Variants in CDC42BPA observed in about 807,000 individuals in gnomAD.
The protein encoded by CDC42BPA is serine/threonine-protein kinase MRCK alpha.
Under a neutral mutation model 223.5 loss-of-function variants are expected in CDC42BPA, and 80 were observed. The observed-to-expected ratio is 0.36, with a 90% CI of 0.30 to 0.43. The LOEUF is 0.43. CDC42BPA is among the 20% of genes least tolerant of loss of function. The pLI is 1.00. For synonymous variants in CDC42BPA, 694 were observed against 718.6 expected, an observed-to-expected ratio of 0.97 and a Z score of 0.55; for missense variants, 1,743 against 2,099.9, an observed-to-expected ratio of 0.83 and a Z score of 3.32.
Position 227,100,975 on chromosome 1 carries a change from A to C in CDC42BPA, c.2249+17T>G. On this transcript the variant is annotated intron_variant, in intron 15 of 36. Coordinates refer to ENST00000366766, the MANE Select transcript of CDC42BPA (RefSeq NM_001394014.1). ...CTCAGTAAGTATTTACTGTATAGTA[A>C]ATAATGTGATTCTTACCTTTCTCTT... The C allele has an allele frequency of 7.1e-7, 1 of 1,399,820 alleles. No individual in the cohort carries two copies. The highest frequency in any genetic ancestry group is 2.3e-5 in the East Asian group (1 of 43,588). The allele number at this position is 1,399,820 out of a possible 1,614,324, so 86.7% of individuals were successfully genotyped here.
At chr1:227,278,963 A>T (rs532385279) in intron 1 of CDC42BPA, among the ~76,000 whole-genome samples, 4 of 151,932 alleles carry the variant, frequency 2.6e-5, no homozygotes, top group African/African-American at 9.7e-5. Flanking sequence ...CTTAAAACCA[A>T]TAACATCACC....
intron 26 of CDC42BPA, among the ~76,000 whole-genome samples, chr1:227,034,275 G>A (rs1411688458): frequency 2.0e-5 from 3 of 152,136 alleles, no homozygotes; most frequent in African/African-American, 7.2e-5. Context: ...TTACTTAAAT[G>A]TTTACTGATT....
chr1:227,267,194 G>T (rs1483802928), intron 1 of CDC42BPA, among the ~76,000 whole-genome samples: 2 of 152,128 alleles, frequency 1.3e-5, no homozygotes, highest in Non-Finnish European at 1.5e-5. Flanking sequence ...CTTCAGCCAA[G>T]AATTTGCATT....
intron 1 of CDC42BPA, among the ~76,000 whole-genome samples, chr1:227,310,934 G>A (rs993456593): frequency 5.9e-5 from 9 of 151,492 alleles, no homozygotes; most frequent in Non-Finnish European, 8.8e-5. Flanking sequence ...CTCGTGATCC[G>A]CCCACCTCGG....
chr1:227,081,576 C>G (rs1040730757), intron 16 of CDC42BPA, among the ~76,000 whole-genome samples: 2 of 151,998 alleles, frequency 1.3e-5, no homozygotes, highest in African/African-American at 4.8e-5. Flanking sequence ...TCTCAGCCTC[C>G]CCAGTAGCTG....
chr1:227,163,067 T>TGTGTGTTTCC (rs1558649614), intron 5 of CDC42BPA, among the ~76,000 whole-genome samples: 978 of 52,854 alleles, frequency 0.019, 20 homozygotes, highest in African/African-American at 0.093. Context: ...TTTCCAAACA[T>TGTGTGTTTCC]AAATGTGTGT....
intron 2 of CDC42BPA, among the ~76,000 whole-genome samples, chr1:227,231,731 C>T (rs965961583): frequency 1.3e-5 from 2 of 151,874 alleles, no homozygotes; most frequent in African/African-American, 4.8e-5. Context: ...TCTCTGATGG[C>T]CAGTGATGAT....
intron 5 of CDC42BPA, among the ~76,000 whole-genome samples, chr1:227,191,087 T>C (rs1206433833): frequency 1.3e-5 from 2 of 152,120 alleles, no homozygotes; most frequent in African/African-American, 4.8e-5. Flanking sequence ...CTCATGCCTG[T>C]AATCCCAGCA....
chr1:227,318,073 C>G lies in CDC42BPA; in HGVS notation c.-891G>C, dbSNP rs1326643941. 2 of 268,276 alleles carry G rather than the reference C, an allele frequency of 7.5e-6. No homozygotes were observed. The highest frequency in any genetic ancestry group is 1.4e-5 in the Non-Finnish European group (2 of 144,414). The allele number at this position is 268,276 out of a possible 1,614,324, so 16.6% of individuals were successfully genotyped here. On this transcript the variant is annotated 5_prime_UTR_variant, in exon 1 of 37. Coordinates refer to ENST00000366766, the MANE Select transcript of CDC42BPA (RefSeq NM_001394014.1). ...GTGGTCGCTCGTGGGCCGAGCCGCG[C>G]CGCGCCGCGCCGGGCAGAGAGCCCG...
chr1:227,317,908 G>GA lies in CDC42BPA; in HGVS notation c.-727dup. 1 of 398,596 alleles carries GA rather than the reference G, an allele frequency of 2.5e-6. No homozygotes were observed. The highest frequency in any genetic ancestry group is 3.6e-5 in the East Asian group (1 of 28,070). 24.7% of individuals were successfully genotyped at this position (398,596 alleles called of 1,614,324 possible). On this transcript the variant is annotated 5_prime_UTR_variant, in exon 1 of 37. An upstream open reading frame in the 5' UTR loses its in-frame stop. Transcript: ENST00000366766. ...AGTCCTATTTTCAACGGATTCCGGT[G>GA]AAAACTCTTCATTTTCCTCCCGGCT...
chr1:227,016,232 C>A, intron 33 of CDC42BPA, 35 bp from the exon 34 acceptor site: 1 of 1,123,320 alleles, frequency 8.9e-7, no homozygotes, highest in Non-Finnish European at 1.4e-6. Context: ...ATACTTTTTC[C>A]ACAGTTAATT....
intron 21 of CDC42BPA, among the ~76,000 whole-genome samples, chr1:227,052,695 G>A (rs1673774577): frequency 1.3e-5 from 2 of 152,084 alleles, no homozygotes; most frequent in African/African-American, 4.8e-5. Context: ...AAGTGGTTCA[G>A]GAACTTACTT....
At chr1:227,030,872 C>A (rs1299424687) in intron 28 of CDC42BPA, among the ~76,000 whole-genome samples, 1 of 152,068 alleles carries the variant, frequency 6.6e-6, no homozygotes, top group Non-Finnish European at 1.5e-5. Context: ...AACCTCCAGA[C>A]ACAGAAACTG....
intron 5 of CDC42BPA, among the ~76,000 whole-genome samples, chr1:227,177,765 T>A (rs7539423): frequency 0.68 from 103,551 of 152,012 alleles, 35,512 homozygotes; most frequent in South Asian, 0.73. Context: ...CTCTATTCTC[T>A]CTACCTGGAA....
chr1:227,081,866 C>T (rs1680735538), intron 16 of CDC42BPA, among the ~76,000 whole-genome samples: 1 of 152,176 alleles, frequency 6.6e-6, no homozygotes, highest in Admixed American at 6.5e-5. Flanking sequence ...ATAAGGATCT[C>T]TCTTTTAAAA....
At chr1:227,035,365 C>A in intron 25 of CDC42BPA, 106 bp downstream of exon 25, 1 of 793,048 alleles carries the variant, frequency 1.3e-6, no homozygotes, top group Non-Finnish European at 2.0e-6. Context: ...GAATTTTATT[C>A]ATTTAATTTT....
chr1:227,030,546 C>A, intron 28 of CDC42BPA, 76 bp from the exon 29 acceptor site: 1 of 843,468 alleles, frequency 1.2e-6, no homozygotes, highest in African/African-American at 1.8e-5. Flanking sequence ...ATGATAAGAA[C>A]ATTTGGTGCA....
chr1:227,222,106 G>A (rs1676019474), intron 2 of CDC42BPA, among the ~76,000 whole-genome samples: 1 of 150,260 alleles, frequency 6.7e-6, no homozygotes, highest in African/African-American at 2.5e-5. Context: ...AGTGGTGCAT[G>A]CCTGTGATCC....
At chr1:227,108,599 T>G (rs583729) in intron 14 of CDC42BPA, among the ~76,000 whole-genome samples, 2 of 151,882 alleles carry the variant, frequency 1.3e-5, no homozygotes, top group Non-Finnish European at 2.9e-5. Flanking sequence ...AAGTTCTATA[T>G]ATGGTTGTCT....
Sources: allele counts gnomAD v4.1 joint callset (sites outside exome capture counted in the v4.1 genomes callset), GRCh38; gene constraint gnomAD v4.1.1; transcripts MANE v1.5; gene names NCBI Gene and HGNC (gene_info 2026-07-23, HGNC 2026-07-21).